Variants in SREK1 observed in about 807,000 individuals in gnomAD.
SREK1 encodes splicing regulatory glutamic acid and lysine rich protein 1, also known as splicing regulatory glutamine/lysine-rich protein 1.
A neutral mutation model predicts 66.5 loss-of-function variants in SREK1; 13 were observed. The observed-to-expected ratio is 0.20, with a 90% confidence interval of 0.13 to 0.31. The LOEUF is 0.31. Among genes scored for constraint, SREK1 ranks in the 10% least tolerant of loss-of-function variants. SREK1 has a pLI of 1.00. For synonymous variants in SREK1, 265 were observed against 263.5 expected (o/e 1.01, Z -0.05); for missense variants, 607 against 769.6 (o/e 0.79, Z 2.50).
chr5:66,176,732 G>A (rs1295758066), intron 10 of SREK1, among the ~76,000 whole-genome samples: 1 of 151,946 alleles, frequency 6.6e-6, no homozygotes, highest in Non-Finnish European at 1.5e-5. Flanking sequence ...AGAAATTTTT[G>A]TTGTTGTTGC....
intron 7 of SREK1, 113 bp downstream of exon 7, chr5:66,165,010 C>A (rs930636458): frequency 3.1e-6 from 3 of 973,660 alleles, no homozygotes; most frequent in Admixed American, 2.8e-5. Flanking sequence ...GTAGTGTACA[C>A]CTGAAGTGTG....
chr5:66,152,286 GT>G (rs1331523751), intron 1 of SREK1, among the ~76,000 whole-genome samples: 85 of 152,200 alleles, frequency 5.6e-4, no homozygotes, highest in African/African-American at 2.0e-3. Flanking sequence ...AAATTTAACC[GT>G]TATTAATGTG....
chr5:66,161,968 T>G, intron 3 of SREK1, 141 bp from the exon 4 acceptor site: 1 of 814,726 alleles, frequency 1.2e-6, no homozygotes, highest in South Asian at 2.3e-5. Flanking sequence ...AACTCAGACA[T>G]ATATATGACT....
intron 1 of SREK1, among the ~76,000 whole-genome samples, chr5:66,150,392 A>G (rs1743686601): frequency 6.6e-6 from 1 of 152,242 alleles, no homozygotes; most frequent in African/African-American, 2.4e-5. Flanking sequence ...TAGCGAGGAC[A>G]TCGTAACCAA....
At chr5:66,163,680 AC>A (rs1232170554) in intron 5 of SREK1, 111 bp from the exon 6 acceptor site, 8 of 1,101,520 alleles carry the variant, frequency 7.3e-6, no homozygotes, top group Non-Finnish European at 1.0e-5. Context: ...TATCATTCTT[AC>A]GTGCTTCTGA....
chr5:66,170,440 AC>A (rs1745536182), intron 8 of SREK1, 144 bp from the exon 9 acceptor site: 2 of 1,183,396 alleles, frequency 1.7e-6, no homozygotes, highest in Non-Finnish European at 2.4e-6. Context: ...AGCTTCTTGT[AC>A]ACCTGAGCTA....
chr5:66,162,314 T>C (rs1330752148), intron 4 of SREK1, 41 bp downstream of exon 4: 2 of 1,608,628 alleles, frequency 1.2e-6, no homozygotes, highest in Non-Finnish European at 8.5e-7. Flanking sequence ...GTAGCCCTTA[T>C]TCTTTTTCTC....
At chr5:66,164,468 A>G (rs1428339360) in intron 6 of SREK1, 1 of 838,066 alleles carries the variant, frequency 1.2e-6, no homozygotes, top group Non-Finnish European at 1.7e-6. Context: ...TTAAGCTTCA[A>G]ATTCTAGCAG....
In SREK1 at chr5:66,146,849, A is replaced by G. The variant is rs117956063; in HGVS notation, c.161+2312A>G. On this transcript the variant is annotated intron_variant, in intron 1 of 11. Coordinates refer to ENST00000334121, the MANE Select transcript of SREK1 (RefSeq NM_001077199.3). ...TTTAAATTGTTTTAAAATTGGAAAT[A>G]TATTTATTTTCAAATACATATTTCC... Among the ~76,000 whole-genome samples, 219 of 152,310 alleles carry G rather than the reference A, an allele frequency of 1.4e-3. 4 individuals carry two copies. In the East Asian group the frequency reaches 0.027, roughly 19 times the overall value.
In SREK1 at chr5:66,170,863, T is replaced by C. The variant is rs146886966; in HGVS notation, c.1400T>C (p.Ile467Thr). The C allele has an allele frequency of 2.6e-4, 427 of 1,612,084 alleles. No homozygotes were observed. The highest frequency in any genetic ancestry group is 2.3e-4 in the Non-Finnish European group (272 of 1,179,574). Residue 467 changes from isoleucine (I) to threonine (T), a missense_variant, in exon 9 of 12, where the codon ATA (isoleucine) becomes ACA (threonine). Physicochemically the swap from Ile to Thr is moderately conservative, Grantham distance 89 (BLOSUM62 -1). Around this residue, in one of 5 missense-constraint regions of SREK1, gnomAD observed 318 missense variants for 310.3 expected, o/e 1.02. Coordinates refer to ENST00000334121, the MANE Select transcript of SREK1 (RefSeq NM_001077199.3). ...KEREKDRSKE[I>T]DEKRKKDKKS... ...CGAGAAAAAGACAGATCCAAAGAGA[T>C]AGATGAAAAAAGAAAGAAGGATAAA...
intron 1 of SREK1, 21 bp from the exon 2 acceptor site, chr5:66,153,442 G>C (rs1349599584): frequency 1.2e-6 from 2 of 1,601,164 alleles, no homozygotes; most frequent in African/African-American, 2.7e-5. Context: ...TAGTTCAATT[G>C]TTTTTCTTTT....
At chr5:66,163,592 G>C (rs762408171) in intron 5 of SREK1, 200 bp from the exon 6 acceptor site, 4 of 416,494 alleles carry the variant, frequency 9.6e-6, no homozygotes, top group Admixed American at 4.3e-5. Context: ...CCTGCTTTTG[G>C]TTGTATTCGC....
At chr5:66,150,780 T>G (rs1743718722) in intron 1 of SREK1, among the ~76,000 whole-genome samples, 1 of 152,242 alleles carries the variant, frequency 6.6e-6, no homozygotes, top group Non-Finnish European at 1.5e-5. Context: ...AGGTCAAGGA[T>G]AATTTATCAG....
At chr5:66,172,305 T>C (rs1186990556) in intron 9 of SREK1, among the ~76,000 whole-genome samples, 1 of 152,238 alleles carries the variant, frequency 6.6e-6, no homozygotes, top group East Asian at 1.9e-4. Flanking sequence ...TTTACTTTTT[T>C]TGATGACATG....
intron 1 of SREK1, among the ~76,000 whole-genome samples, chr5:66,145,809 G>GA (rs11373398): frequency 0.047 from 6,928 of 147,952 alleles, 380 homozygotes; most frequent in East Asian, 0.18. Context: ...TGTCTCCCTT[G>GA]AATATGCCAA....
intron 1 of SREK1, chr5:66,145,303 C>T (rs182281577): frequency 3.2e-4 from 122 of 383,752 alleles, no homozygotes; most frequent in Non-Finnish European, 2.3e-4. Context: ...TTCCCTCGTA[C>T]GATATTATTT....
rs1452281381 is a variant in SREK1 at position 66,144,886 on chromosome 5, A to C, written c.161+349A>C. ...CGCAGGTGGGCCCGGAACAGCCCTC[A>C]TGGCAAACGTCTCAGAGCGTTTTTC... On this transcript the variant is annotated intron_variant, in intron 1 of 11. Transcript: ENST00000334121. 21 of 1,014,662 alleles carry C rather than the reference A, an allele frequency of 2.1e-5. 1 individual carries two copies. The South Asian group carries it at 2.9e-4, about 14-fold the overall frequency. The allele number at this position is 1,014,662 out of a possible 1,614,324, so 62.9% of individuals were successfully genotyped here.
At chr5:66,175,995 A>G (rs1469526500) in intron 10 of SREK1, among the ~76,000 whole-genome samples, 1 of 152,162 alleles carries the variant, frequency 6.6e-6, no homozygotes, top group Non-Finnish European at 1.5e-5. Context: ...AAAAACTGAT[A>G]AAAGGCTTTT....
At chr5:66,153,723 G>C in intron 2 of SREK1, 127 bp downstream of exon 2, 1 of 1,253,568 alleles carries the variant, frequency 8.0e-7, no homozygotes. Context: ...ATGAAATTTG[G>C]AGGAGGTAAA....
Sources: allele counts gnomAD v4.1 joint callset (sites outside exome capture counted in the v4.1 genomes callset), GRCh38; gene constraint gnomAD v4.1.1; regional missense constraint gnomAD v4.1.1; transcripts MANE v1.5; gene names NCBI Gene and HGNC (gene_info 2026-07-23, HGNC 2026-07-21).